HERC3: variants seen among roughly 807,000 people sequenced by gnomAD.
HERC3 encodes HECT and RLD domain containing E3 ubiquitin protein ligase 3.
A neutral mutation model predicts 129.9 loss-of-function variants in HERC3; 58 were observed. That is an observed-to-expected ratio of 0.45 (90% confidence interval 0.36 to 0.56). The LOEUF (loss-of-function observed/expected upper bound fraction) is 0.56, where lower values mean the gene tolerates loss of function less well. Among genes scored for constraint, HERC3 ranks in the 20% least tolerant of loss-of-function variants. The pLI is 0.00. For synonymous variants in HERC3, 430 were observed against 451.0 expected, an observed-to-expected ratio of 0.95 and a Z score of 0.59; for missense variants, 835 against 1,244.2, an observed-to-expected ratio of 0.67 and a Z score of 4.95.
intron 3 of HERC3, among the ~76,000 whole-genome samples, chr4:88,623,866 G>T (rs183191056): frequency 0.053 from 8,127 of 152,186 alleles, 468 homozygotes; most frequent in African/African-American, 0.14. Context: ...AGTTTTGACA[G>T]TCATTGAATC....
At chr4:88,561,940 C>T in the HERC3 span, among the ~76,000 whole-genome samples, 1 of 152,136 alleles carries the variant, frequency 6.6e-6, no homozygotes, top group African/African-American at 2.4e-5. Context: ...ATTGTGAATA[C>T]TGCTTCAATA....
At chr4:88,680,025 T>C in intron 19 of HERC3, 68 bp from the exon 20 acceptor site, 1 of 1,366,020 alleles carries the variant, frequency 7.3e-7, no homozygotes, top group Non-Finnish European at 1.0e-6. Flanking sequence ...TAGAAAATGG[T>C]CTGCTAAAAA....
chr4:88,553,112 A>T, the HERC3 span, among the ~76,000 whole-genome samples: 1 of 152,178 alleles, frequency 6.6e-6, no homozygotes, highest in Non-Finnish European at 1.5e-5. Context: ...CAGAACCCAG[A>T]CTTGGGAGGC....
chr4:88,619,976 T>C (rs1232071379), intron 3 of HERC3, among the ~76,000 whole-genome samples: 1 of 152,216 alleles, frequency 6.6e-6, no homozygotes. Context: ...AGGTGTGAGC[T>C]GCTAAAATCT....
chr4:88,635,829 A>T (rs752280730), intron 3 of HERC3, among the ~76,000 whole-genome samples: 2 of 152,198 alleles, frequency 1.3e-5, no homozygotes, highest in Non-Finnish European at 2.9e-5. Flanking sequence ...GCCAGAAGAG[A>T]GTGGGGGTCA....
chr4:88,598,079 A>C (rs955529118), intron 2 of HERC3: 1 of 152,176 alleles, frequency 6.6e-6, no homozygotes, highest in African/African-American at 2.4e-5. Flanking sequence ...TCATATATAC[A>C]ACATTCAGGT....
intron 3 of HERC3, among the ~76,000 whole-genome samples, chr4:88,644,755 T>G (rs1377663295): frequency 6.6e-6 from 1 of 152,190 alleles, no homozygotes; most frequent in African/African-American, 2.4e-5. Flanking sequence ...AAGGTCAAGT[T>G]TATTCTATGA....
chr4:88,658,487 A>G lies in HERC3; in HGVS notation c.1142A>G (p.Tyr381Cys). 1 of 1,575,740 alleles carries G rather than the reference A, an allele frequency of 6.3e-7. No individual in the cohort carries two copies. The highest frequency in any genetic ancestry group is 8.7e-7 in the Non-Finnish European group (1 of 1,148,966). ...CAGACTTTTGTACTTTGCTCCAAAT[A>G]CGAGGTAAAATTTTTCTTGTGACTC... ...GDQTFVLCSK[Y>C]ENYSPAVDFR... Residue 381 changes from tyrosine (Y) to cysteine (C), a missense_variant, in exon 10 of 26, where the codon TAC becomes TGC. Physicochemically the swap from Tyr to Cys is radical, Grantham distance 194. Transcript: ENST00000402738.
Position 88,605,822 on chromosome 4 carries a change from C to T in HERC3, c.-2C>T. On this transcript the variant is annotated 5_prime_UTR_variant, in exon 3 of 26. Coordinates refer to ENST00000402738, the MANE Select transcript of HERC3 (RefSeq NM_014606.3). The stretch of plus-strand genomic sequence containing the variant: ...TACATGATTCCCTGAAAGATAAGAA[C>T]AATGTTATGTTGGGGATATTGGTCT... 1.2e-6 allele frequency: 2 copies of T among 1,611,466 alleles called. No individual in the cohort carries two copies. Among genetic ancestry groups the T allele is most frequent in the Non-Finnish European group, 1.7e-6 (2 of 1,177,698 alleles).
chr4:88,695,305 A>G (rs1734490032), intron 23 of HERC3, among the ~76,000 whole-genome samples: 1 of 152,194 alleles, frequency 6.6e-6, no homozygotes. Context: ...GGATAAAGCA[A>G]TATAATTTTG....
At chr4:88,539,313 C>T in the HERC3 span, among the ~76,000 whole-genome samples, 1 of 152,148 alleles carries the variant, frequency 6.6e-6, no homozygotes, top group Non-Finnish European at 1.5e-5. Flanking sequence ...GAGCCTTGCT[C>T]ACTGCTAGCA....
the HERC3 span, among the ~76,000 whole-genome samples, chr4:88,585,003 T>C: frequency 6.6e-6 from 1 of 152,222 alleles, no homozygotes; most frequent in Non-Finnish European, 1.5e-5. Flanking sequence ...AATTTATTTC[T>C]CATAGTTCTG....
At chr4:88,690,417 C>T (rs191178012) in intron 23 of HERC3, 99 of 984,988 alleles carry the variant, frequency 1.0e-4, no homozygotes, top group African/African-American at 4.9e-4. Flanking sequence ...TAGATACATA[C>T]GTAACCTTTA....
chr4:88,690,150 T>A, intron 23 of HERC3: 1 of 985,408 alleles, frequency 1.0e-6, no homozygotes, highest in Non-Finnish European at 1.2e-6. Context: ...TCAAAACCCT[T>A]GATAAGAATC....
At chr4:88,611,722 T>G (rs1724344011) in intron 3 of HERC3, among the ~76,000 whole-genome samples, 1 of 152,240 alleles carries the variant, frequency 6.6e-6, no homozygotes, top group African/African-American at 2.4e-5. Context: ...TTTTCTTGCT[T>G]TGCAGTACTG....
At chr4:88,545,071 A>G in the HERC3 span, among the ~76,000 whole-genome samples, 1 of 152,134 alleles carries the variant, frequency 6.6e-6, no homozygotes, top group African/African-American at 2.4e-5. Flanking sequence ...TCCTGTCTCC[A>G]AACATTCACA....
chr4:88,526,950 G>A, the HERC3 span, among the ~76,000 whole-genome samples: 5 of 151,930 alleles, frequency 3.3e-5, no homozygotes, highest in East Asian at 1.9e-4. Context: ...AGAAAAATTC[G>A]CAAAAAAGAA....
Position 88,636,947 on chromosome 4 carries a change from C to G in HERC3, c.227-12893C>G, listed in dbSNP as rs2149250413. Among the ~76,000 whole-genome samples, 3 of 152,002 alleles carry G rather than the reference C, an allele frequency of 2.0e-5. No homozygotes were observed. The East Asian group carries it at 5.8e-4, about 30-fold the overall frequency. The stretch of plus-strand genomic sequence containing the variant: ...GCTCAGGAGTTCAGCCTGGGCAAAA[C>G]AGCGAAACCCCATCTCTACTAAAAT... On this transcript the variant is annotated intron_variant, in intron 3 of 25. Transcript: ENST00000402738.
intron 4 of HERC3, among the ~76,000 whole-genome samples, chr4:88,651,435 A>T (rs1357553598): frequency 6.6e-6 from 1 of 152,182 alleles, no homozygotes; most frequent in Non-Finnish European, 1.5e-5. Context: ...TGTAAGGTGA[A>T]TGACCTTGGG....
Sources: gnomAD v4.1 joint callset for allele counts (sites outside exome capture counted in the v4.1 genomes callset) on GRCh38, gnomAD v4.1.1 for gene constraint, MANE v1.5 for transcripts, NCBI Gene and HGNC (gene_info 2026-07-23, HGNC 2026-07-21) for gene names.